Variants in CNTNAP2 observed in about 807,000 individuals in gnomAD.
CNTNAP2 encodes contactin-associated protein-like 2.
Under a neutral mutation model 155.2 loss-of-function variants are expected in CNTNAP2, and 98 were observed. The observed-to-expected ratio is 0.63, with a 90% CI of 0.54 to 0.75. The LOEUF (loss-of-function observed/expected upper bound fraction) is 0.75. CNTNAP2 is among the 30% of genes least tolerant of loss of function. The pLI is 0.00. For missense variants in CNTNAP2, 1,727 were observed against 1,688.1 expected, an observed-to-expected ratio of 1.02 and a Z score of -0.40; for synonymous variants, 651 against 631.2, an observed-to-expected ratio of 1.03 and a Z score of -0.47.
chr7:146,355,018 T>C (rs920699911), intron 1 of CNTNAP2, among the ~76,000 whole-genome samples: 5 of 152,314 alleles, frequency 3.3e-5, no homozygotes, highest in African/African-American at 4.8e-5. Context: ...TTGTTACATA[T>C]TCAAATGTAC....
intron 2 of CNTNAP2, among the ~76,000 whole-genome samples, chr7:146,822,071 C>T (rs1379648280): frequency 6.6e-6 from 1 of 152,110 alleles, no homozygotes; most frequent in Non-Finnish European, 1.5e-5. Flanking sequence ...TGGAACCAAC[C>T]CAAATGTCCA....
intron 15 of CNTNAP2, among the ~76,000 whole-genome samples, chr7:148,008,529 T>A (rs1174224190): frequency 6.6e-6 from 1 of 152,238 alleles, no homozygotes; most frequent in African/African-American, 2.4e-5. Flanking sequence ...ATTGACATAC[T>A]TCTTTCCATG....
chr7:146,961,329 A>T (rs574769721), intron 3 of CNTNAP2, among the ~76,000 whole-genome samples: 1 of 152,156 alleles, frequency 6.6e-6, no homozygotes, highest in African/African-American at 2.4e-5. Flanking sequence ...CCATTAGCCC[A>T]CATGTAGGGA....
At chr7:146,601,753 G>A (rs567841749) in intron 1 of CNTNAP2, among the ~76,000 whole-genome samples, 127 of 151,932 alleles carry the variant, frequency 8.4e-4, no homozygotes, top group African/African-American at 3.0e-3. Context: ...CTGGTTCAAA[G>A]AAACAAAACA....
chr7:147,474,240 C>T (rs923966495), intron 10 of CNTNAP2, among the ~76,000 whole-genome samples: 6 of 151,688 alleles, frequency 4.0e-5, no homozygotes, highest in African/African-American at 1.5e-4. Context: ...GATGGGGTTG[C>T]AGAGATTAGA....
At chr7:148,205,828 A>G (rs540931851) in intron 18 of CNTNAP2, among the ~76,000 whole-genome samples, 1 of 152,306 alleles carries the variant, frequency 6.6e-6, no homozygotes, top group East Asian at 1.9e-4. Flanking sequence ...GCTGGAGGCC[A>G]GGGGCTAGCT....
At chr7:147,687,524 T>C (rs550130987) in intron 13 of CNTNAP2, among the ~76,000 whole-genome samples, 75 of 152,192 alleles carry the variant, frequency 4.9e-4, no homozygotes, top group African/African-American at 1.8e-3. Flanking sequence ...ATGAAATAGA[T>C]GTCAGTAGTA....
rs553487103 is a variant in CNTNAP2 at position 147,529,509 on chromosome 7, C to A, written c.1778-32629C>A. 4.5e-4 allele frequency among the ~76,000 whole-genome samples: 69 copies of A among 152,244 alleles called. 1 individual carries two copies. The highest frequency in any genetic ancestry group is 1.6e-3 in the African/African-American group (66 of 41,548). On this transcript the variant is annotated intron_variant, in intron 11 of 23. Coordinates refer to ENST00000361727, the MANE Select transcript of CNTNAP2 (RefSeq NM_014141.6). Reference sequence around the variant, plus strand: ...CTGTGGCTTTTTGAGAATTATTTCACAGCCTATTTCCAGAGCAAAGTAACA... The same window carrying A: ...CTGTGGCTTTTTGAGAATTATTTCAAAGCCTATTTCCAGAGCAAAGTAACA...
chr7:148,308,461 G>A (rs1797528620), intron 21 of CNTNAP2, among the ~76,000 whole-genome samples: 1 of 151,674 alleles, frequency 6.6e-6, no homozygotes, highest in Non-Finnish European at 1.5e-5. Context: ...TTTTTAAATT[G>A]GCATTTTTTA....
intron 8 of CNTNAP2, among the ~76,000 whole-genome samples, chr7:147,137,347 C>T (rs1366271483): frequency 6.6e-6 from 1 of 150,780 alleles, no homozygotes; most frequent in African/African-American, 2.4e-5. Context: ...TATTTCATTC[C>T]AAATCAGAAT....
At chr7:146,489,836 G>C (rs1169771744) in intron 1 of CNTNAP2, among the ~76,000 whole-genome samples, 2 of 142,392 alleles carry the variant, frequency 1.4e-5, no homozygotes, top group Non-Finnish European at 1.5e-5. Flanking sequence ...TCTCAGTGTG[G>C]CTGAGTTCAG....
At chr7:146,882,116 C>T (rs1231326982) in intron 3 of CNTNAP2, among the ~76,000 whole-genome samples, 1 of 152,088 alleles carries the variant, frequency 6.6e-6, no homozygotes, top group Admixed American at 6.6e-5. Flanking sequence ...CTTCCAGCTA[C>T]ATCCATGTTG....
intron 21 of CNTNAP2, among the ~76,000 whole-genome samples, chr7:148,278,462 C>CG (rs1796917265): frequency 6.6e-6 from 1 of 150,786 alleles, no homozygotes; most frequent in South Asian, 2.1e-4. Flanking sequence ...CCCAGCTACT[C>CG]GGGAGGCTGA....
intron 1 of CNTNAP2, among the ~76,000 whole-genome samples, chr7:146,373,405 T>TACAC (rs3050924): frequency 0.069 from 9,900 of 143,576 alleles, 718 homozygotes; most frequent in African/African-American, 0.19. Flanking sequence ...ACTTAACACA[T>TACAC]ACACACACAC....
chr7:146,721,891 T>TATATATATATATATA (rs1202931748), intron 1 of CNTNAP2, among the ~76,000 whole-genome samples: 2 of 80,338 alleles, frequency 2.5e-5, no homozygotes, highest in African/African-American at 2.7e-4. Context: ...ATATATATAT[T>TATATATATATATATA]TTTTTTTTTT....
chr7:148,335,859 G>T lies in CNTNAP2; in HGVS notation c.3476-47790G>T, dbSNP rs531320799. 5.3e-5 allele frequency among the ~76,000 whole-genome samples: 8 copies of T among 151,506 alleles called. No homozygotes were observed. In the East Asian group the frequency reaches 5.8e-4, roughly 11 times the overall value. On this transcript the variant is annotated intron_variant, in intron 21 of 23. Transcript: ENST00000361727. The stretch of plus-strand genomic sequence containing the variant: ...TATTCTCCAGGTTTAAATATTGTAC[G>T]TTTTTTTTCACAACTTTAACAAATT...
chr7:146,976,292 G>C (rs559399758), intron 3 of CNTNAP2, among the ~76,000 whole-genome samples: 2 of 152,244 alleles, frequency 1.3e-5, no homozygotes, highest in South Asian at 4.2e-4. Context: ...CAAGCTGACT[G>C]TCCTCCAGCC....
intron 16 of CNTNAP2, chr7:148,133,763 G>A (rs964982347): frequency 6.6e-6 from 1 of 152,214 alleles, no homozygotes; most frequent in African/African-American, 2.4e-5. Flanking sequence ...CTTTGCGGGA[G>A]TGATGATGAA....
At chr7:146,810,218 T>C (rs183566946) in intron 2 of CNTNAP2, among the ~76,000 whole-genome samples, 5 of 152,260 alleles carry the variant, frequency 3.3e-5, no homozygotes, top group Non-Finnish European at 5.9e-5. Flanking sequence ...ATGTGTCTAT[T>C]CTATGCCAGT....
Sources: allele counts gnomAD v4.1 joint callset (sites outside exome capture counted in the v4.1 genomes callset), GRCh38; gene constraint gnomAD v4.1.1; transcripts MANE v1.5; gene names NCBI Gene and HGNC (gene_info 2026-07-23, HGNC 2026-07-21).